PCDHGA11: variants seen among roughly 807,000 people sequenced by gnomAD.
PCDHGA11 encodes the protein protocadherin gamma subfamily A, 11, also known as protocadherin gamma-A11.
Under a neutral mutation model 60.4 loss-of-function variants are expected in PCDHGA11, and 39 were observed. The observed-to-expected ratio is 0.65, with a 90% CI of 0.50 to 0.84. The LOEUF is 0.84. Ranked by LOEUF, PCDHGA11 falls within the 40% of genes least tolerant of loss-of-function variation. The pLI is 0.00. For missense variants in PCDHGA11, 1,165 were observed against 1,197.7 expected (o/e 0.97, Z 0.40); for synonymous variants, 533 against 510.3 (o/e 1.04, Z -0.60).
intron 1 of PCDHGA11, among the ~76,000 whole-genome samples, chr5:141,438,339 AGGATC>A (rs1013025873): frequency 1.6e-4 from 25 of 151,944 alleles, no homozygotes; most frequent in Non-Finnish European, 1.9e-4. Flanking sequence ...ATGTCATATA[AGGATC>A]TACTCTGTGT....
In PCDHGA11 at chr5:141,441,804, C is replaced by CAT. The variant is rs1189673284; in HGVS notation, c.2433+18144_2433+18145insAT. The CAT allele has an allele frequency of 6.5e-4, 249 of 382,482 alleles. 2 individuals are homozygous for CAT. Among genetic ancestry groups the CAT allele is most frequent in the African/African-American group, 4.8e-3 (221 of 45,888 alleles). 23.7% of individuals were successfully genotyped at this position (382,482 alleles called of 1,614,324 possible). The stretch of plus-strand genomic sequence containing the variant: ...CCTGAATGACAACGCACCGCGGGTG[C>CAT]TGTACCCCAGCTCTGGAGCGCAATG... On this transcript the variant is annotated intron_variant, in intron 1 of 3. Transcript: ENST00000398587.
intron 1 of PCDHGA11, chr5:141,426,795 C>G (rs1214340018): frequency 2.2e-6 from 1 of 456,700 alleles, no homozygotes. Context: ...GAGTTACCAG[C>G]TCAGTTCTAA....
intron 1 of PCDHGA11, among the ~76,000 whole-genome samples, chr5:141,463,239 C>G (rs1012919667): frequency 1.3e-5 from 2 of 151,950 alleles, no homozygotes; most frequent in African/African-American, 4.8e-5. Context: ...CTTTGTGTAG[C>G]TCCATTCTCT....
chr5:141,427,871 G>T, intron 1 of PCDHGA11: 1 of 1,559,532 alleles, frequency 6.4e-7, no homozygotes, highest in Non-Finnish European at 8.8e-7. Flanking sequence ...TCGAGCTCAC[G>T]ATGCAGGCCC....
chr5:141,431,725 G>A lies in PCDHGA11; in HGVS notation c.2433+8065G>A. The A allele has an allele frequency of 6.2e-7, 1 of 1,614,230 alleles. No individual in the cohort carries two copies. Among genetic ancestry groups the A allele is most frequent in the Non-Finnish European group, 8.5e-7 (1 of 1,180,044 alleles). On this transcript the variant is annotated intron_variant, in intron 1 of 3. Coordinates refer to ENST00000398587, the MANE Select transcript of PCDHGA11 (RefSeq NM_018914.3). The surrounding 1 kb of genome is among the most constrained non-coding windows in gnomAD (Gnocchi z 4.8). Reference sequence around the variant, plus strand: ...TCTACCAGATGGAAGTGCAAGCAATGGATAATGCAGGATATTCTGCGCGAG... The same window carrying A: ...TCTACCAGATGGAAGTGCAAGCAATAGATAATGCAGGATATTCTGCGCGAG...
intron 1 of PCDHGA11, among the ~76,000 whole-genome samples, chr5:141,449,630 T>C (rs1006977026): frequency 6.7e-6 from 1 of 150,024 alleles, no homozygotes; most frequent in South Asian, 2.1e-4. Flanking sequence ...TTTAAAAAGA[T>C]GTATCTATAT....
At chr5:141,510,335 AC>A (rs1247622083) in intron 3 of PCDHGA11, among the ~76,000 whole-genome samples, 1 of 149,138 alleles carries the variant, frequency 6.7e-6, no homozygotes, top group African/African-American at 2.5e-5. Context: ...CTTCACCCCC[AC>A]CCCACACACT....
chr5:141,427,391 A>G (rs942653386), intron 1 of PCDHGA11: 3 of 459,818 alleles, frequency 6.5e-6, no homozygotes, highest in Non-Finnish European at 1.3e-5. Context: ...TGTTCAAAAC[A>G]CATGATAAAG....
intron 1 of PCDHGA11, among the ~76,000 whole-genome samples, chr5:141,455,445 C>T (rs1175054167): frequency 6.6e-6 from 1 of 152,134 alleles, no homozygotes; most frequent in Non-Finnish European, 1.5e-5. Context: ...TCCCCATCTA[C>T]CGCGGATACC....
In PCDHGA11 at chr5:141,423,210, C is replaced by T; in HGVS notation, c.1983C>T (p.Leu661=). 1.2e-6 allele frequency: 2 copies of T among 1,613,696 alleles called. No individual in the cohort carries two copies. Among genetic ancestry groups the T allele is most frequent in the Non-Finnish European group, 1.7e-6 (2 of 1,180,020 alleles). Residue 661 remains leucine, a synonymous_variant, in exon 1 of 4, where the codon CTC becomes CTT. Transcript: ENST00000398587. ...CCCCTCTCTCGGCCACCGTCACGCT[C>T]ACCGTGGCTGTGGCCGACAGCATCC... ...GQPPLSATVT[L]TVAVADSIPE... is the part of the protein sequence containing the mutation.
At position 141,431,338 on chromosome 5, in the gene PCDHGA11, A is replaced by G; in HGVS notation, c.2433+7678A>G. On this transcript the variant is annotated intron_variant, in intron 1 of 3. Transcript: ENST00000398587. This position sits in a 1 kb window ranked among gnomAD's most constrained non-coding sequence, Gnocchi z 4.8. ...GAGCCGACGGTAGTAAGTACCCCGA[A>G]TTGGTGCTGAAACGCGCCCTGGACC... 1 of 1,614,068 alleles carries G rather than the reference A, an allele frequency of 6.2e-7. No homozygotes were observed. The highest frequency in any genetic ancestry group is 8.5e-7 in the Non-Finnish European group (1 of 1,180,032).
chr5:141,427,782 T>G, intron 1 of PCDHGA11: 1 of 1,459,986 alleles, frequency 6.8e-7, no homozygotes, highest in Middle Eastern at 1.7e-4. Context: ...GCGGGCACTG[T>G]CGTCCTACGT....
intron 1 of PCDHGA11, chr5:141,440,868 T>G (rs1288344051): frequency 3.9e-5 from 6 of 152,150 alleles, no homozygotes; most frequent in Non-Finnish European, 1.5e-5. Context: ...ATCTAGGATG[T>G]GTACAGCGTC....
rs2096575080 is a variant in PCDHGA11 at position 141,421,458 on chromosome 5, T to C, written c.231T>C (p.Ala77=). 6.2e-7 allele frequency: 1 copy of C among 1,614,122 alleles called. No individual in the cohort carries two copies. Among genetic ancestry groups the C allele is most frequent in the Non-Finnish European group, 8.5e-7 (1 of 1,179,950 alleles). Residue 77 remains alanine, a synonymous_variant, in exon 1 of 4, where the codon GCT becomes GCC. Transcript: ENST00000398587. ...IVSRGKTQLF[A]VNPRSGSLIT... ...CCAGAGGGAAGACACAGCTTTTCGC[T>C]GTGAATCCGCGAAGCGGCAGCTTGA...
intron 1 of PCDHGA11, among the ~76,000 whole-genome samples, chr5:141,483,201 C>A (rs2099578254): frequency 6.6e-6 from 1 of 152,108 alleles, no homozygotes; most frequent in Non-Finnish European, 1.5e-5. Context: ...TTATTTTATT[C>A]CATATAGATG....
rs773174763 is a variant in PCDHGA11 at position 141,477,409 on chromosome 5, C to T, written c.2434-17398C>T. The T allele has an allele frequency of 1.4e-5, 22 of 1,614,058 alleles. No homozygotes were observed. The highest frequency in any genetic ancestry group is 1.7e-5 in the Admixed American group (1 of 60,006). On this transcript the variant is annotated intron_variant, in intron 1 of 3. Transcript: ENST00000398587. This position sits in a 1 kb window ranked among gnomAD's most constrained non-coding sequence, Gnocchi z 4.9. ...ACAACCTCAGCATCACCGCCCGAGA[C>T]GCCGGAACCCCTTCCCTCTCAGCCC...
Position 141,431,530 on chromosome 5 carries a change from G to A in PCDHGA11, c.2433+7870G>A. On this transcript the variant is annotated intron_variant, in intron 1 of 3. Transcript: ENST00000398587. The surrounding 1 kb of genome is among the most constrained non-coding windows in gnomAD (Gnocchi z 4.8). ...CGAGCGTTCCGGAGAATCTGGCCTT[G>A]GGCACGCAGCTGCTTGTAGTCAACG... 3 of 1,614,072 alleles carry A rather than the reference G, an allele frequency of 1.9e-6. No homozygotes were observed. In the South Asian group the frequency reaches 3.3e-5, roughly 18 times the overall value.
At position 141,493,726 on chromosome 5, in the gene PCDHGA11, G is replaced by C. The variant is rs1032021616; in HGVS notation, c.2434-1081G>C. ...CTGGAATGCTAGGTTTCTGGGTTCT[G>C]CTCATATCACTGCCACCTGTGAGCC... On this transcript the variant is annotated intron_variant, in intron 1 of 3. Coordinates refer to ENST00000398587, the MANE Select transcript of PCDHGA11 (RefSeq NM_018914.3). This position sits in a 1 kb window ranked among gnomAD's most constrained non-coding sequence, Gnocchi z 4.3. Among the ~76,000 whole-genome samples, 2 of 152,154 alleles carry C rather than the reference G, an allele frequency of 1.3e-5. No individual in the cohort carries two copies. Among genetic ancestry groups the C allele is most frequent in the African/African-American group, 4.8e-5 (2 of 41,438 alleles).
Position 141,422,028 on chromosome 5 carries a change from A to C in PCDHGA11, c.801A>C (p.Ala267=). 1 of 1,611,196 alleles carries C rather than the reference A, an allele frequency of 6.2e-7. No individual in the cohort carries two copies. Among genetic ancestry groups the C allele is most frequent in the Non-Finnish European group, 8.5e-7 (1 of 1,179,006 alleles). Residue 267 remains alanine, a synonymous_variant, in exon 1 of 4, where the codon GCA becomes GCC. Transcript: ENST00000398587. The part of the protein sequence containing the change: ...SSGTRVLMVN[A]TDPDEGINGE... ...GAACTCGGGTGCTGATGGTTAATGCAACGGATCCAGACGAGGGAATCAACG... is the reference window on the plus strand; with the variant it reads ...GAACTCGGGTGCTGATGGTTAATGCCACGGATCCAGACGAGGGAATCAACG...
Sources: gnomAD v4.1 joint callset for allele counts (sites outside exome capture counted in the v4.1 genomes callset) on GRCh38, gnomAD v4.1.1 for gene constraint, Gnocchi (gnomAD v3.1) non-coding constraint, MANE v1.5 for transcripts, NCBI Gene and HGNC (gene_info 2026-07-23, HGNC 2026-07-21) for gene names.